RANBP17: variants seen among roughly 807,000 people sequenced by gnomAD.
RANBP17 encodes RAN binding protein 17.
In RANBP17, 158 loss-of-function variants were observed where a neutral mutation model predicts 141.2. The ratio of observed to expected loss-of-function variants is 1.12; its 90% CI spans 0.98 to 1.28. The LOEUF is 1.28. RANBP17 is among the 50% of genes most tolerant of loss of function. The probability of loss-of-function intolerance (pLI) is 0.00; values close to 1 mark genes in which losing one functional copy is unlikely to be tolerated. For synonymous variants in RANBP17, 430 were observed against 450.0 expected, an observed-to-expected ratio of 0.96 and a Z score of 0.56; for missense variants, 1,438 against 1,290.7, an observed-to-expected ratio of 1.11 and a Z score of -1.75.
At chr5:171,175,441 C>G (rs1235504365) in intron 16 of RANBP17, among the ~76,000 whole-genome samples, 1 of 152,102 alleles carries the variant, frequency 6.6e-6, no homozygotes, top group Non-Finnish European at 1.5e-5. Flanking sequence ...CACATCCTCT[C>G]CAGCATCTGT....
chr5:171,081,265 T>C (rs1785243623), intron 14 of RANBP17, among the ~76,000 whole-genome samples: 1 of 152,156 alleles, frequency 6.6e-6, no homozygotes, highest in Non-Finnish European at 1.5e-5. Context: ...GTAAAACTAA[T>C]ATAAGTGATG....
At chr5:171,103,742 A>G (rs1265341657) in intron 14 of RANBP17, among the ~76,000 whole-genome samples, 2 of 152,080 alleles carry the variant, frequency 1.3e-5, no homozygotes, top group African/African-American at 4.8e-5. Context: ...TAGGCACCCG[A>G]GAGAATCTCC....
intron 5 of RANBP17, among the ~76,000 whole-genome samples, chr5:170,902,519 G>A (rs1366176528): frequency 6.6e-6 from 1 of 152,134 alleles, no homozygotes; most frequent in African/African-American, 2.4e-5. Context: ...GCCTCCTTCT[G>A]TCAGTTCGTC....
At chr5:171,194,178 G>C (rs1761827939) in intron 18 of RANBP17, among the ~76,000 whole-genome samples, 1 of 152,136 alleles carries the variant, frequency 6.6e-6, no homozygotes, top group African/African-American at 2.4e-5. Context: ...AGCAAACCCA[G>C]ATTTTTGTTG....
chr5:171,149,570 T>C (rs1045960340), intron 14 of RANBP17, among the ~76,000 whole-genome samples: 1 of 152,242 alleles, frequency 6.6e-6, no homozygotes. Flanking sequence ...AAAGACACGC[T>C]ATGATTGCTT....
intron 14 of RANBP17, among the ~76,000 whole-genome samples, chr5:171,033,933 T>C (rs1781709473): frequency 6.6e-6 from 1 of 152,036 alleles, no homozygotes; most frequent in Non-Finnish European, 1.5e-5. Flanking sequence ...ATAGTGAGGC[T>C]CTGTCTCTGC....
intron 14 of RANBP17, among the ~76,000 whole-genome samples, chr5:171,160,220 A>T (rs1759241331): frequency 6.6e-6 from 1 of 152,100 alleles, no homozygotes; most frequent in Admixed American, 6.6e-5. Context: ...TTTTCTTACT[A>T]CTTTATTTCT....
chr5:171,058,165 T>TTTA, intron 14 of RANBP17, among the ~76,000 whole-genome samples: 1 of 152,054 alleles, frequency 6.6e-6, no homozygotes, highest in Non-Finnish European at 1.5e-5. Flanking sequence ...ATTTTTTTAT[T>TTTA]TTATTATTAT....
chr5:170,934,060 T>G (rs1773647885), intron 12 of RANBP17, among the ~76,000 whole-genome samples: 1 of 152,184 alleles, frequency 6.6e-6, no homozygotes, highest in South Asian at 2.1e-4. Context: ...AGTCTCTTTT[T>G]AGGTCTCTCA....
At chr5:171,158,154 G>A (rs1759036434) in intron 14 of RANBP17, among the ~76,000 whole-genome samples, 1 of 152,036 alleles carries the variant, frequency 6.6e-6, no homozygotes, top group African/African-American at 2.4e-5. Context: ...TGCTGCCTTG[G>A]GACAAATGTG....
chr5:170,997,547 C>T (rs1397933380), intron 14 of RANBP17, among the ~76,000 whole-genome samples: 1 of 152,178 alleles, frequency 6.6e-6, no homozygotes, highest in African/African-American at 2.4e-5. Context: ...TATAAGTCCT[C>T]TCAGAAAGTC....
At chr5:170,889,983 C>G (rs748762242) in intron 3 of RANBP17, among the ~76,000 whole-genome samples, 1 of 152,110 alleles carries the variant, frequency 6.6e-6, no homozygotes, top group Non-Finnish European at 1.5e-5. Flanking sequence ...GAAACATATT[C>G]TAGTGATTTT....
intron 14 of RANBP17, among the ~76,000 whole-genome samples, chr5:171,068,916 AC>A (rs1256531615): frequency 1.3e-5 from 2 of 152,056 alleles, no homozygotes; most frequent in African/African-American, 2.4e-5. Flanking sequence ...GGCTGCAGTT[AC>A]TCGTTTATTT....
intron 18 of RANBP17, among the ~76,000 whole-genome samples, chr5:171,187,714 GAAGT>G (rs1403408452): frequency 6.6e-6 from 1 of 152,100 alleles, no homozygotes; most frequent in Non-Finnish European, 1.5e-5. Context: ...AAGTTAGTGA[GAAGT>G]ATTTACAGAT....
intron 14 of RANBP17, chr5:171,158,599 T>G (rs972647838): frequency 2.3e-5 from 4 of 173,276 alleles, no homozygotes; most frequent in Non-Finnish European, 5.0e-5. Flanking sequence ...TGCTGAGAAT[T>G]GCAATTCTCA....
chr5:171,205,796 C>T (rs1304828015), intron 20 of RANBP17, 184 bp downstream of exon 20: 1 of 692,856 alleles, frequency 1.4e-6, no homozygotes, highest in Non-Finnish European at 2.6e-6. Context: ...TATTTGGAGA[C>T]CCAGCTCAGA....
At chr5:171,158,447 C>G in intron 14 of RANBP17, 1 of 190,096 alleles carries the variant, frequency 5.3e-6, no homozygotes. Context: ...TGGTTGACAC[C>G]CATTACAAAA....
At chr5:171,251,400 A>T (rs1765548841) in intron 24 of RANBP17, among the ~76,000 whole-genome samples, 1 of 152,150 alleles carries the variant, frequency 6.6e-6, no homozygotes, top group Non-Finnish European at 1.5e-5. Context: ...TTAAAAATTG[A>T]AATCATATCA....
chr5:171,098,588 G>A (rs1786882137), intron 14 of RANBP17, among the ~76,000 whole-genome samples: 1 of 152,086 alleles, frequency 6.6e-6, no homozygotes, highest in African/African-American at 2.4e-5. Context: ...TCTGTAGGTT[G>A]CCTGTTCACT....
Sources: gnomAD v4.1 joint callset for allele counts (sites outside exome capture counted in the v4.1 genomes callset) on GRCh38, gnomAD v4.1.1 for gene constraint, MANE v1.5 for transcripts, NCBI Gene and HGNC (gene_info 2026-07-23, HGNC 2026-07-21) for gene names.